Variants in CFAP91 observed in about 807,000 individuals in gnomAD.
The protein encoded by CFAP91 is cilia- and flagella-associated protein 91.
Under a neutral mutation model 95.9 loss-of-function variants are expected in CFAP91, and 85 were observed. The ratio of observed to expected loss-of-function variants is 0.89; its 90% CI spans 0.74 to 1.06. The LOEUF (loss-of-function observed/expected upper bound fraction) is 1.06, where lower values mean the gene tolerates loss of function less well. Ranked by LOEUF, CFAP91 falls within the 50% of genes least tolerant of loss-of-function variation. CFAP91 has a pLI of 0.00. For missense variants in CFAP91, 962 were observed against 943.4 expected (o/e 1.02, Z -0.26); for synonymous variants, 335 against 327.5 (o/e 1.02, Z -0.25).
At chr3:119,739,111 G>A (rs919087315) in intron 11 of CFAP91, 144 bp from the exon 12 acceptor site, 19 of 696,422 alleles carry the variant, frequency 2.7e-5, no homozygotes, top group Middle Eastern at 2.6e-4. Flanking sequence ...TGTTCAATAA[G>A]GGCAGGGACC....
At chr3:119,706,053 T>G (rs573291112) in intron 1 of CFAP91, 5 of 152,344 alleles carry the variant, frequency 3.3e-5, no homozygotes, top group Admixed American at 2.6e-4. Flanking sequence ...GACTAGCTGG[T>G]CAGGGTATTT....
At position 119,703,111 on chromosome 3, in the gene CFAP91, G is replaced by C. The variant is rs767726631; in HGVS notation, c.13G>C (p.Val5Leu). MSHAVTIEEPQAQPQ... is the reference protein window; with the variant it reads MSHALTIEEPQAQPQ... Reference sequence around the variant, plus strand: ...AAGAGGCGGCACCATGAGCCACGCAGTAACCATCGAGGAGCCCCAGGCCCA... The same window carrying C: ...AAGAGGCGGCACCATGAGCCACGCACTAACCATCGAGGAGCCCCAGGCCCA... Residue 5 changes from valine to leucine, a missense_variant, in exon 1 of 18, where the codon GTA becomes CTA. Physicochemically the swap from Val to Leu is conservative, Grantham distance 32. Transcript: ENST00000273390. 1.3e-6 allele frequency: 2 copies of C among 1,559,074 alleles called. No homozygotes were observed. Among genetic ancestry groups the C allele is most frequent in the East Asian group, 4.8e-5 (2 of 41,736 alleles).
At chr3:119,747,071 CA>C in intron 14 of CFAP91, 43 bp from the exon 15 acceptor site, 1 of 1,430,024 alleles carries the variant, frequency 7.0e-7, no homozygotes, top group Non-Finnish European at 9.3e-7. Flanking sequence ...GTGTTGTTTA[CA>C]ACAGCATACC....
At position 119,737,440 on chromosome 3, in the gene CFAP91, T is replaced by C. The variant is rs1203304589; in HGVS notation, c.1419T>C (p.Pro473=). The C allele has an allele frequency of 6.2e-7, 1 of 1,610,846 alleles. No individual in the cohort carries two copies. Among genetic ancestry groups the C allele is most frequent in the East Asian group, 2.2e-5 (1 of 44,744 alleles). ...PPRFLQRNPI[P]QPRLPTPTLE... is the part of the protein sequence containing the mutation. ...GCTTCCTTCAAAGAAACCCAATACC[T>C]CAACCTCGGCTTCCAACTCCAACCT... Residue 473 remains proline, a synonymous_variant, in exon 11 of 18, where the codon CCT becomes CCC. Transcript: ENST00000273390.
At chr3:119,737,320 A>T (rs370831409) in intron 10 of CFAP91, 46 bp from the exon 11 acceptor site, 2 of 1,249,564 alleles carry the variant, frequency 1.6e-6, no homozygotes, top group African/African-American at 3.1e-5. Flanking sequence ...AAATTTATGC[A>T]AATTTTTGTT....
intron 8 of CFAP91, among the ~76,000 whole-genome samples, chr3:119,731,741 G>A (rs1453797859): frequency 6.6e-6 from 1 of 152,196 alleles, no homozygotes; most frequent in African/African-American, 2.4e-5. Flanking sequence ...TGAGAGAAAA[G>A]GAGCACAGGA....
At position 119,739,170 on chromosome 3, in the gene CFAP91, T is replaced by C. The variant is rs986898191; in HGVS notation, c.1462-85T>C. Reference sequence around the variant, plus strand: ...TTTTGGCATCTAGCACAGTCTGTTTTGCTTGAAATAAGTCTTCAAAAGAAT... The same window carrying C: ...TTTTGGCATCTAGCACAGTCTGTTTCGCTTGAAATAAGTCTTCAAAAGAAT... On this transcript the variant is annotated intron_variant, in intron 11 of 17. Coordinates refer to ENST00000273390, the MANE Select transcript of CFAP91 (RefSeq NM_033364.4). 9.8e-6 allele frequency: 11 copies of C among 1,118,002 alleles called. No individual in the cohort carries two copies. In the African/African-American group the frequency reaches 1.5e-4, roughly 16 times the overall value. 69.3% of individuals were successfully genotyped at this position (1,118,002 alleles called of 1,614,324 possible). A position where few individuals can be genotyped will look rare whatever the true frequency, so the allele number is the denominator to read the frequency against.
rs1363638231 is a variant in CFAP91 at position 119,765,351 on chromosome 3, G to A, written c.*301G>A. The stretch of plus-strand genomic sequence containing the variant: ...TGCTGGTTTGTTGAATCAAACAAAA[G>A]GAAATGTTGTGGAATATTTTTCCAA... On this transcript the variant is annotated 3_prime_UTR_variant, in exon 18 of 18. Transcript: ENST00000273390. 5 of 152,096 alleles carry A rather than the reference G, an allele frequency of 3.3e-5. No homozygotes were observed. The highest frequency in any genetic ancestry group is 4.4e-5 in the Non-Finnish European group (3 of 68,004). The allele number at this position is 152,096 out of a possible 1,614,324, so 9.4% of individuals were successfully genotyped here. A position where few individuals can be genotyped will look rare whatever the true frequency, so the allele number is the denominator to read the frequency against.
intron 6 of CFAP91, among the ~76,000 whole-genome samples, chr3:119,718,101 C>T (rs933090888): frequency 9.9e-5 from 15 of 152,112 alleles, no homozygotes; most frequent in Non-Finnish European, 1.9e-4. Flanking sequence ...CCCCAAAGCA[C>T]ACAAGGAACA....
intron 5 of CFAP91, among the ~76,000 whole-genome samples, chr3:119,712,551 TTA>T (rs1441130192): frequency 9.2e-5 from 14 of 152,206 alleles, no homozygotes; most frequent in Non-Finnish European, 1.5e-4. Context: ...AACTAGAATT[TTA>T]TAGTAGAATA....
Position 119,739,326 on chromosome 3 carries a change from G to A in CFAP91, c.1533G>A (p.Met511Ile). Reference sequence around the variant, plus strand: ...TCCGGGGCAGAGTCGTTCAGAACATGGTGTGTAGGTCCAACCGCTGGCCCT... The same window carrying A: ...TCCGGGGCAGAGTCGTTCAGAACATAGTGTGTAGGTCCAACCGCTGGCCCT... ...KLLRGRVVQN[M>I]MFEGKEKRLE... The change falls in exon 12 of 18, where the codon ATG becomes ATA. Residue 511 changes from methionine to isoleucine, a missense_variant and splice_region_variant. Coordinates refer to ENST00000273390, the MANE Select transcript of CFAP91 (RefSeq NM_033364.4). 2 of 1,613,234 alleles carry A rather than the reference G, an allele frequency of 1.2e-6. No homozygotes were observed. Among genetic ancestry groups the A allele is most frequent in the South Asian group, 1.1e-5 (1 of 91,062 alleles).
chr3:119,714,039 T>C (rs946852197), intron 5 of CFAP91, among the ~76,000 whole-genome samples: 13 of 152,116 alleles, frequency 8.5e-5, no homozygotes, highest in African/African-American at 3.1e-4. Context: ...ACCTGTCCAG[T>C]TATTTCCTAG....
chr3:119,715,299 C>T, intron 5 of CFAP91: 1 of 570,938 alleles, frequency 1.8e-6, no homozygotes, highest in Non-Finnish European at 3.2e-6. Context: ...TGCCCAGTGA[C>T]ACACATATAA....
chr3:119,726,118 G>A (rs1384627348), intron 6 of CFAP91, 53 bp from the exon 7 acceptor site: 10 of 1,476,924 alleles, frequency 6.8e-6, no homozygotes, highest in East Asian at 2.3e-5. Context: ...TATATACTGG[G>A]GGGTGCATGG....
intron 2 of CFAP91, chr3:119,707,109 C>A: frequency 1.8e-6 from 1 of 547,086 alleles, no homozygotes. Context: ...TAATTTATTT[C>A]AATGGGATAA....
Position 119,747,920 on chromosome 3 carries a change from C to T in CFAP91, c.2143+18C>T, listed in dbSNP as rs770468739. Reference sequence around the variant, plus strand: ...AGAAAAAGGTAAGCCAATGTAAATGCTTTACTTTAGGATTTTTTAAAGATG... The same window carrying T: ...AGAAAAAGGTAAGCCAATGTAAATGTTTTACTTTAGGATTTTTTAAAGATG... On this transcript the variant is annotated intron_variant, in intron 16 of 17. Transcript: ENST00000273390. The T allele has an allele frequency of 1.3e-6, 2 of 1,566,076 alleles. No homozygotes were observed. The highest frequency in any genetic ancestry group is 2.3e-5 in the South Asian group (2 of 88,002).
intron 6 of CFAP91, 113 bp from the exon 7 acceptor site, chr3:119,726,058 T>C: frequency 1.2e-6 from 1 of 855,058 alleles, no homozygotes; most frequent in Non-Finnish European, 1.8e-6. Context: ...TGTTATGCTG[T>C]CATGGCCCTT....
chr3:119,721,278 C>A (rs527815737), intron 6 of CFAP91, among the ~76,000 whole-genome samples: 1 of 152,262 alleles, frequency 6.6e-6, no homozygotes, highest in Admixed American at 6.5e-5. Flanking sequence ...TTATAGCATG[C>A]AGTGCTCATT....
intron 17 of CFAP91, 36 bp downstream of exon 17, chr3:119,751,134 A>G: frequency 1.9e-6 from 3 of 1,564,726 alleles, no homozygotes; most frequent in Non-Finnish European, 2.6e-6. Context: ...AAAAGCAGAG[A>G]AAGGAAGAAA....
Sources: gnomAD v4.1 joint callset for allele counts (sites outside exome capture counted in the v4.1 genomes callset) on GRCh38, gnomAD v4.1.1 for gene constraint, MANE v1.5 for transcripts, NCBI Gene and HGNC (gene_info 2026-07-23, HGNC 2026-07-21) for gene names.